The following PLEKHA7 variants were observed in gnomAD, a reference collection of about 807,000 sequenced individuals.
PLEKHA7 encodes pleckstrin homology domain containing A7.
In PLEKHA7, 104 loss-of-function variants were observed where a neutral mutation model predicts 170.0. That is an observed-to-expected ratio of 0.61 (90% CI 0.52 to 0.72). The LOEUF (loss-of-function observed/expected upper bound fraction) is 0.72, where lower values mean the gene tolerates loss of function less well. Ranked by LOEUF, PLEKHA7 falls within the 30% of genes least tolerant of loss-of-function variation. PLEKHA7 has a pLI of 0.00. For missense variants in PLEKHA7, 1,615 were observed against 1,671.7 expected (o/e 0.97, Z 0.59); for synonymous variants, 648 against 660.8 (o/e 0.98, Z 0.30).
intron 3 of PLEKHA7, among the ~76,000 whole-genome samples, chr11:16,906,320 T>TCCTCTC (rs1218296501): frequency 0.012 from 1,592 of 136,204 alleles, 124 homozygotes; most frequent in Non-Finnish European, 0.014. Context: ...TCCCTCTCCC[T>TCCTCTC]CCTCTCACTC....
At chr11:16,865,811 G>A (rs1286526393) in intron 4 of PLEKHA7, among the ~76,000 whole-genome samples, 5 of 152,114 alleles carry the variant, frequency 3.3e-5, no homozygotes, top group Admixed American at 2.0e-4. Context: ...TAAGGGTAAC[G>A]ATTAGTGCTG....
Position 16,794,642 on chromosome 11 carries a change from G to C in PLEKHA7, c.2591C>G (p.Pro864Arg), listed in dbSNP as rs1848090083. The C allele has an allele frequency of 3.1e-6, 5 of 1,614,016 alleles. No homozygotes were observed. The East Asian group carries it at 8.9e-5, about 29-fold the overall frequency. ...SLSTSESKPP[P>R]QPSPPTSPVR... ...AGGGCTGGTGGGAGGACTGGGCTGTGGGGGCGGCTTGCTCTCAGAAGTTGA... is the reference window on the plus strand; with the variant it reads ...AGGGCTGGTGGGAGGACTGGGCTGTCGGGGCGGCTTGCTCTCAGAAGTTGA... Residue 864 changes from proline (P) to arginine (R), a missense_variant, in exon 19 of 27, where the codon CCA becomes CGA. Transcript: ENST00000531066.
chr11:16,891,949 A>G lies in PLEKHA7; in HGVS notation c.222-20767T>C, dbSNP rs147276852. On this transcript the variant is annotated intron_variant, in intron 3 of 26. Transcript: ENST00000531066. ...TCTAATTTGTTCCCTGAGGTTCAACATGATTGAACTAGGATCAGTGGGTGG... is the reference window on the plus strand; with the variant it reads ...TCTAATTTGTTCCCTGAGGTTCAACGTGATTGAACTAGGATCAGTGGGTGG... Among the ~76,000 whole-genome samples, 286 of 152,348 alleles carry G rather than the reference A, an allele frequency of 1.9e-3. 3 individuals carry two copies. The highest frequency in any genetic ancestry group is 6.5e-3 in the African/African-American group (270 of 41,576).
chr11:16,887,060 A>T (rs538199305), intron 3 of PLEKHA7, among the ~76,000 whole-genome samples: 1 of 152,302 alleles, frequency 6.6e-6, no homozygotes, highest in African/African-American at 2.4e-5. Flanking sequence ...GAAAATTGAA[A>T]AACAACACAA....
At position 17,014,368 on chromosome 11, in the gene PLEKHA7, G is replaced by T; in HGVS notation, c.34C>A (p.Pro12Thr). Residue 12 changes from proline (P) to threonine (T), a missense_variant, in exon 1 of 27, where the codon CCT (proline) becomes ACT (threonine). Physicochemically the swap from Pro to Thr is conservative, Grantham distance 38. Transcript: ENST00000531066. Reference sequence around the variant, plus strand: ...CACACCCCGTAGGACCAATGCTCAGGTAAAGTGTCCCGCCCGACCGTCGCC... The same window carrying T: ...CACACCCCGTAGGACCAATGCTCAGTTAAAGTGTCCCGCCCGACCGTCGCC... ...AAATVGRDTLPEHWSYGVCRD... is the reference protein window; with the variant it reads ...AAATVGRDTLTEHWSYGVCRD... The T allele has an allele frequency of 7.2e-7, 1 of 1,396,714 alleles. No homozygotes were observed. The highest frequency in any genetic ancestry group is 1.5e-5 in the South Asian group (1 of 65,366). The allele number at this position is 1,396,714 out of a possible 1,614,324, so 86.5% of individuals were successfully genotyped here. A position where few individuals can be genotyped will look rare whatever the true frequency, so the allele number is the denominator to read the frequency against.
At chr11:17,008,785 T>C (rs1041457890) in intron 3 of PLEKHA7, among the ~76,000 whole-genome samples, 2 of 152,190 alleles carry the variant, frequency 1.3e-5, no homozygotes, top group Non-Finnish European at 2.9e-5. Context: ...ACCTATTTAA[T>C]GCCTGCTGTA....
intron 3 of PLEKHA7, among the ~76,000 whole-genome samples, chr11:16,977,113 C>T (rs1231155342): frequency 6.6e-6 from 1 of 152,156 alleles, no homozygotes; most frequent in Non-Finnish European, 1.5e-5. Context: ...ATGAGGTAAC[C>T]TCCTCCTCTC....
At chr11:16,784,228 C>G (rs541277489) in intron 24 of PLEKHA7, among the ~76,000 whole-genome samples, 2 of 152,344 alleles carry the variant, frequency 1.3e-5, no homozygotes, top group East Asian at 3.9e-4. Flanking sequence ...TCTGTTCTGT[C>G]TGGGAAGCTC....
At chr11:16,977,311 C>T (rs1333074858) in intron 3 of PLEKHA7, among the ~76,000 whole-genome samples, 1 of 151,958 alleles carries the variant, frequency 6.6e-6, no homozygotes, top group Non-Finnish European at 1.5e-5. Flanking sequence ...TCCAAACAGG[C>T]TCCCACTTCT....
chr11:16,782,670 G>A, intron 26 of PLEKHA7, 84 bp downstream of exon 26: 3 of 1,480,716 alleles, frequency 2.0e-6, no homozygotes, highest in Non-Finnish European at 1.8e-6. Flanking sequence ...TTTTCCACTG[G>A]CTCTGGAACA....
intron 3 of PLEKHA7, among the ~76,000 whole-genome samples, chr11:16,885,318 A>G (rs1454453225): frequency 6.7e-6 from 1 of 149,168 alleles, no homozygotes; most frequent in Non-Finnish European, 1.5e-5. Context: ...CGACAGAGTG[A>G]GACTCCATCT....
At chr11:16,960,078 C>T (rs1020000313) in intron 3 of PLEKHA7, among the ~76,000 whole-genome samples, 2 of 152,362 alleles carry the variant, frequency 1.3e-5, no homozygotes, top group African/African-American at 4.8e-5. Flanking sequence ...TGTGTGCACA[C>T]ACGCCTCCAC....
At chr11:16,985,217 G>A (rs1003690303) in intron 3 of PLEKHA7, among the ~76,000 whole-genome samples, 1 of 152,190 alleles carries the variant, frequency 6.6e-6, no homozygotes. Flanking sequence ...ACACGTTTAT[G>A]AATAAACCAA....
chr11:17,008,639 C>T (rs1276749131), intron 3 of PLEKHA7, among the ~76,000 whole-genome samples: 1 of 152,222 alleles, frequency 6.6e-6, no homozygotes, highest in African/African-American at 2.4e-5. Context: ...ATGCCAAGTG[C>T]CTACTCAGCT....
At chr11:16,888,923 C>G in intron 3 of PLEKHA7, among the ~76,000 whole-genome samples, 1 of 142,082 alleles carries the variant, frequency 7.0e-6, no homozygotes, top group South Asian at 2.3e-4. Flanking sequence ...AAAAAGAAAC[C>G]CTGTCTCTAC....
intron 3 of PLEKHA7, among the ~76,000 whole-genome samples, chr11:16,882,771 C>T (rs1413977280): frequency 3.3e-5 from 5 of 152,084 alleles, no homozygotes; most frequent in Non-Finnish European, 5.9e-5. Context: ...ATAATCACCC[C>T]CACAGAATAG....
chr11:16,843,077 G>A (rs1328934438), intron 8 of PLEKHA7, among the ~76,000 whole-genome samples: 1 of 152,098 alleles, frequency 6.6e-6, no homozygotes, highest in Non-Finnish European at 1.5e-5. Flanking sequence ...TTGCTATTTT[G>A]TTCACTACTA....
At chr11:16,785,795 C>G (rs1489913581) in intron 24 of PLEKHA7, among the ~76,000 whole-genome samples, 1 of 152,196 alleles carries the variant, frequency 6.6e-6, no homozygotes, top group Admixed American at 6.5e-5. Flanking sequence ...ACCTGCCCCC[C>G]ATTTTCCCCT....
intron 3 of PLEKHA7, among the ~76,000 whole-genome samples, chr11:16,887,441 C>G (rs1000484636): frequency 6.6e-6 from 1 of 151,984 alleles, no homozygotes; most frequent in East Asian, 1.9e-4. Flanking sequence ...CCTCCGATGC[C>G]GAGTCGAAGC....
Sources: allele counts gnomAD v4.1 joint callset (sites outside exome capture counted in the v4.1 genomes callset), GRCh38; gene constraint gnomAD v4.1.1; transcripts MANE v1.5; gene names NCBI Gene and HGNC (gene_info 2026-07-23, HGNC 2026-07-21).